The following CHMP7 variants were observed in gnomAD, a reference collection of about 807,000 sequenced individuals.
The protein encoded by CHMP7 is charged multivesicular body protein 7.
A neutral mutation model predicts 53.7 loss-of-function variants in CHMP7; 15 were observed. The observed-to-expected ratio is 0.28, with a 90% CI of 0.19 to 0.43. The LOEUF is 0.43. CHMP7 is among the 20% of genes least tolerant of loss of function. CHMP7 has a pLI of 1.00. For synonymous variants in CHMP7, 261 were observed against 228.0 expected (o/e 1.14, Z -1.30); for missense variants, 527 against 569.4 (o/e 0.93, Z 0.76).
rs1008524507 is a variant in CHMP7 at position 23,246,486 on chromosome 8, G to C, written c.-210G>C. 2 of 540,286 alleles carry C rather than the reference G, an allele frequency of 3.7e-6. No homozygotes were observed. The highest frequency in any genetic ancestry group is 3.6e-5 in the Admixed American group (1 of 27,734). 33.5% of individuals were successfully genotyped at this position (540,286 alleles called of 1,614,324 possible). The stretch of plus-strand genomic sequence containing the variant: ...CGGCGCAAGCGCTCGGTGTCTCTCT[G>C]AAAAGAACTTCATCATACTGCCTCC... On this transcript the variant is annotated 5_prime_UTR_variant, in exon 2 of 11. Transcript: ENST00000397677.
In CHMP7 at chr8:23,260,740, T is replaced by A. The variant is rs1585320002; in HGVS notation, c.*141T>A. ...CTGATTTTATCTGGATGCTACTACT[T>A]ACTACAGGACAGATAGAATTTCTGG... On this transcript the variant is annotated 3_prime_UTR_variant, in exon 11 of 11. Transcript: ENST00000397677. The A allele has an allele frequency of 2.5e-5, 18 of 709,598 alleles. No homozygotes were observed. Among genetic ancestry groups the A allele is most frequent in the Admixed American group, 4.6e-5 (2 of 43,434 alleles). 44.0% of individuals were successfully genotyped at this position (709,598 alleles called of 1,614,324 possible).
intron 5 of CHMP7, among the ~76,000 whole-genome samples, chr8:23,257,479 CTAA>C (rs1220737861): frequency 1.3e-5 from 2 of 152,244 alleles, no homozygotes; most frequent in African/African-American, 4.8e-5. Flanking sequence ...GTCCATTCAA[CTAA>C]TATTTATTGA....
chr8:23,248,553 C>T (rs2128857024), intron 2 of CHMP7, among the ~76,000 whole-genome samples: 1 of 152,324 alleles, frequency 6.6e-6, no homozygotes, highest in African/African-American at 2.4e-5. Context: ...AAATTTTATG[C>T]TGTCTTTAGC....
chr8:23,258,593 T>A, intron 7 of CHMP7, 139 bp from the exon 8 acceptor site: 1 of 1,254,426 alleles, frequency 8.0e-7, no homozygotes, highest in South Asian at 1.3e-5. Flanking sequence ...TCAGGAGGTT[T>A]GGCCTCGGTG....
At chr8:23,256,167 C>T (rs983019333) in intron 4 of CHMP7, among the ~76,000 whole-genome samples, 2 of 152,192 alleles carry the variant, frequency 1.3e-5, no homozygotes, top group African/African-American at 2.4e-5. Context: ...GGTAAAAGTT[C>T]TGGACCAAAT....
intron 3 of CHMP7, among the ~76,000 whole-genome samples, chr8:23,253,817 A>T (rs1397280489): frequency 6.6e-6 from 1 of 152,066 alleles, no homozygotes; most frequent in Admixed American, 6.6e-5. Context: ...TTATTATTCA[A>T]ATAGCCTGTT....
At chr8:23,244,967 T>C (rs1801635800) in intron 1 of CHMP7, among the ~76,000 whole-genome samples, 1 of 152,252 alleles carries the variant, frequency 6.6e-6, no homozygotes, top group Admixed American at 6.5e-5. Flanking sequence ...TTGACTTTTA[T>C]ACATTAACTT....
In CHMP7 at chr8:23,258,818, T is replaced by C. The variant is rs761352734; in HGVS notation, c.1047T>C (p.Asp349=). ...VTVEKAESLV[D]QIQELCDTQD... Reference sequence around the variant, plus strand: ...TGGAGAAGGCAGAGAGCCTCGTGGATCAGATCCAAGAGGTACAGAAAGGGG... The same window carrying C: ...TGGAGAAGGCAGAGAGCCTCGTGGACCAGATCCAAGAGGTACAGAAAGGGG... The change falls in exon 8 of 11, where the codon GAT becomes GAC. Residue 349 remains aspartate (D), a synonymous_variant. Coordinates refer to ENST00000397677, the MANE Select transcript of CHMP7 (RefSeq NM_152272.5). 1.2e-6 allele frequency: 2 copies of C among 1,610,714 alleles called. No homozygotes were observed. Among genetic ancestry groups the C allele is most frequent in the South Asian group, 2.2e-5 (2 of 90,896 alleles).
At position 23,260,641 on chromosome 8, in the gene CHMP7, C is replaced by T. The variant is rs1408512356; in HGVS notation, c.*42C>T. On this transcript the variant is annotated 3_prime_UTR_variant, in exon 11 of 11. Transcript: ENST00000397677. Reference sequence around the variant, plus strand: ...ACCCTCATGTAAAAGAGAGACCAGGCTTGCTGGGTGTGTACATAGTTATTT... The same window carrying T: ...ACCCTCATGTAAAAGAGAGACCAGGTTTGCTGGGTGTGTACATAGTTATTT... The T allele has an allele frequency of 4.8e-6, 7 of 1,467,390 alleles. No individual in the cohort carries two copies. The highest frequency in any genetic ancestry group is 1.7e-5 in the Admixed American group (1 of 59,820). The allele number at this position is 1,467,390 out of a possible 1,614,324, so 90.9% of individuals were successfully genotyped here. A position where few individuals can be genotyped will look rare whatever the true frequency, so the allele number is the denominator to read the frequency against.
At chr8:23,249,927 T>C (rs983932436) in intron 3 of CHMP7, among the ~76,000 whole-genome samples, 1 of 152,220 alleles carries the variant, frequency 6.6e-6, no homozygotes, top group Non-Finnish European at 1.5e-5. Context: ...CTTGATCGCA[T>C]GGCTCATTGC....
intron 5 of CHMP7, 29 bp downstream of exon 5, chr8:23,256,622 T>A: frequency 6.2e-7 from 1 of 1,600,422 alleles, no homozygotes; most frequent in Non-Finnish European, 8.5e-7. Flanking sequence ...CTGAGCCTCC[T>A]CCCCACTGTT....
Position 23,246,718 on chromosome 8 carries a change from C to T in CHMP7, c.23C>T (p.Ala8Val). 1.3e-6 allele frequency: 2 copies of T among 1,549,330 alleles called. No individual in the cohort carries two copies. The highest frequency in any genetic ancestry group is 1.7e-6 in the Non-Finnish European group (2 of 1,146,874). MWSPEREAEAPAGGDPAG... is the reference protein window; with the variant it reads MWSPEREVEAPAGGDPAG... ...CCGATGTGGTCCCCGGAGCGGGAGG[C>T]CGAGGCCCCAGCCGGGGGAGACCCG... is the stretch of plus-strand genomic sequence containing the variant. The change falls in exon 2 of 11, where the codon GCC (alanine) becomes GTC (valine). Residue 8 changes from alanine to valine, a missense_variant. Coordinates refer to ENST00000397677, the MANE Select transcript of CHMP7 (RefSeq NM_152272.5).
At chr8:23,255,179 C>A (rs11776949) in intron 3 of CHMP7, 68 bp from the exon 4 acceptor site, 36,033 of 1,538,814 alleles carry the variant, frequency 0.023, 493 homozygotes, top group African/African-American at 0.04. Flanking sequence ...TTTTGAAACT[C>A]AGGGTCAGGG....
intron 5 of CHMP7, 125 bp from the exon 6 acceptor site, chr8:23,257,908 C>G (rs1802202698): frequency 2.9e-6 from 2 of 680,608 alleles, no homozygotes; most frequent in Non-Finnish European, 5.2e-6. Context: ...TTTCTTGCCA[C>G]TGGGTATTGG....
chr8:23,255,444 C>T lies in CHMP7; in HGVS notation c.657+12C>T, dbSNP rs755424068. ...AGAACGGGGAGAAGGTATGGAGGCT[C>T]ATCTGTTCATTCACTGACTCAGCAG... On this transcript the variant is annotated intron_variant, in intron 4 of 10. Coordinates refer to ENST00000397677, the MANE Select transcript of CHMP7 (RefSeq NM_152272.5). 63 of 1,612,148 alleles carry T rather than the reference C, an allele frequency of 3.9e-5. No individual in the cohort carries two copies. The highest frequency in any genetic ancestry group is 1.1e-4 in the East Asian group (5 of 44,878).
rs988172611 is a variant in CHMP7, at chr8:23,246,588, G to T, written c.-108G>T. 4.5e-6 allele frequency: 4 copies of T among 894,206 alleles called. No homozygotes were observed. The highest frequency in any genetic ancestry group is 5.0e-6 in the Non-Finnish European group (3 of 596,226). The allele number at this position is 894,206 out of a possible 1,614,324, so 55.4% of individuals were successfully genotyped here. ...ATTTCACGCTCAGGGCGGCGGTGAC[G>T]TGTGAACGAGAAGGAGGTGGTCAAG... is the stretch of plus-strand genomic sequence containing the variant. On this transcript the variant is annotated 5_prime_UTR_variant, in exon 2 of 11. Transcript: ENST00000397677.
chr8:23,256,517 G>A lies in CHMP7; in HGVS notation c.715G>A (p.Val239Ile), dbSNP rs1381799422. Residue 239 changes from valine to isoleucine, a missense_variant, in exon 5 of 11, where the codon GTT becomes ATT. Transcript: ENST00000397677. ...AKVSPVNDVD[V>I]GVYQLMQSEQ... The stretch of plus-strand genomic sequence containing the variant: ...GGTCTCTCCAGTCAATGACGTAGAT[G>A]TTGGGGTGTACCAGCTGATGCAGAG... 3.7e-6 allele frequency: 6 copies of A among 1,610,982 alleles called. No individual in the cohort carries two copies. The African/African-American group carries it at 4.0e-5, about 11-fold the overall frequency.
At chr8:23,254,907 T>A in intron 3 of CHMP7, 1 of 373,606 alleles carries the variant, frequency 2.7e-6, no homozygotes, top group Non-Finnish European at 5.1e-6. Context: ...GCCTCAGCTC[T>A]CGTTCACAGC....
chr8:23,258,894 A>G, intron 8 of CHMP7, 64 bp downstream of exon 8: 1 of 1,214,854 alleles, frequency 8.2e-7, no homozygotes, highest in Non-Finnish European at 1.2e-6. Flanking sequence ...ATTTGACTTC[A>G]TTGCACATCC....
Sources: gnomAD v4.1 joint callset for allele counts (sites outside exome capture counted in the v4.1 genomes callset) on GRCh38, gnomAD v4.1.1 for gene constraint, MANE v1.5 for transcripts, NCBI Gene and HGNC (gene_info 2026-07-23, HGNC 2026-07-21) for gene names.